Variants in PTPN3 observed in about 807,000 individuals in gnomAD.
PTPN3 encodes protein tyrosine phosphatase non-receptor type 3, also known as tyrosine-protein phosphatase non-receptor type 3.
Under a neutral mutation model 132.7 loss-of-function variants are expected in PTPN3, and 96 were observed. That is an observed-to-expected ratio of 0.72 (90% CI 0.61 to 0.86). The LOEUF is 0.86. Among genes scored for constraint, PTPN3 ranks in the 40% least tolerant of loss-of-function variants. The pLI is 0.00. For synonymous variants in PTPN3, 398 were observed against 429.0 expected (o/e 0.93, Z 0.89); for missense variants, 1,125 against 1,159.6 (o/e 0.97, Z 0.43).
intron 21 of PTPN3, among the ~76,000 whole-genome samples, chr9:109,390,603 TAATAA>T (rs766697073): frequency 6.6e-6 from 1 of 151,982 alleles, no homozygotes; most frequent in African/African-American, 2.4e-5. Flanking sequence ...AGTATAATAA[TAATAA>T]AATAAAATAA....
chr9:109,521,957 G>A, the PTPN3 span, among the ~76,000 whole-genome samples: 19,491 of 147,442 alleles, frequency 0.13, 1,466 homozygotes, highest in Middle Eastern at 0.24. Flanking sequence ...CTTAGAGAGG[G>A]TACCTCTCCT....
intron 2 of PTPN3, among the ~76,000 whole-genome samples, chr9:109,459,725 C>T (rs1435613208): frequency 1.3e-5 from 2 of 152,078 alleles, no homozygotes; most frequent in African/African-American, 4.8e-5. Flanking sequence ...TGTTGTAAGG[C>T]TTGATATGAT....
rs1177342533 is a variant in PTPN3 at position 109,410,340 on chromosome 9, A to G, written c.1389T>C (p.Asn463=). 6.2e-7 allele frequency: 1 copy of G among 1,614,084 alleles called. No homozygotes were observed. Among genetic ancestry groups the G allele is most frequent in the African/African-American group, 1.3e-5 (1 of 74,940 alleles). ...KSSSSVSPSS[N]APGSCSPDGV... Reference sequence around the variant, plus strand: ...CGTCAGGTGAGCAGGAGCCTGGAGCATTTGAAGATGGAGACACAGAACTGG... The same window carrying G: ...CGTCAGGTGAGCAGGAGCCTGGAGCGTTTGAAGATGGAGACACAGAACTGG... The change falls in exon 15 of 26, where the codon AAT becomes AAC. Residue 463 remains asparagine, a synonymous_variant. Coordinates refer to ENST00000374541, the MANE Select transcript of PTPN3 (RefSeq NM_002829.4).
chr9:109,481,586 A>T (rs76773359), intron 1 of PTPN3, among the ~76,000 whole-genome samples: 1 of 152,116 alleles, frequency 6.6e-6, no homozygotes, highest in East Asian at 1.9e-4. Context: ...TTACCTCATC[A>T]GTGAGGCCTT....
At chr9:109,407,143 G>A (rs10979855) in intron 17 of PTPN3, among the ~76,000 whole-genome samples, 1 of 152,290 alleles carries the variant, frequency 6.6e-6, no homozygotes, top group East Asian at 1.9e-4. Context: ...AAGAGCTTAA[G>A]GACTACCTCA....
At chr9:109,520,408 G>T in the PTPN3 span, among the ~76,000 whole-genome samples, 1 of 152,142 alleles carries the variant, frequency 6.6e-6, no homozygotes, top group Non-Finnish European at 1.5e-5. Flanking sequence ...AAGAAAGAAA[G>T]AAATGGAAAG....
chr9:109,422,688 A>G, intron 13 of PTPN3, 30 bp downstream of exon 13: 1 of 1,522,318 alleles, frequency 6.6e-7, no homozygotes, highest in Non-Finnish European at 8.9e-7. Context: ...ACTGTTGGGT[A>G]GTACAAAAAA....
chr9:109,455,094 G>C (rs948971821), intron 4 of PTPN3, among the ~76,000 whole-genome samples: 4 of 152,302 alleles, frequency 2.6e-5, no homozygotes, highest in East Asian at 3.9e-4. Context: ...ACCAGAATTA[G>C]AGTAATGAGA....
At chr9:109,397,437 T>C (rs369910605) in intron 19 of PTPN3, among the ~76,000 whole-genome samples, 4 of 152,296 alleles carry the variant, frequency 2.6e-5, no homozygotes, top group South Asian at 4.2e-4. Context: ...CATAGTGCCC[T>C]ATAACTAAGC....
intron 6 of PTPN3, 43 bp from the exon 7 acceptor site, chr9:109,445,335 A>G: frequency 2.7e-6 from 4 of 1,508,040 alleles, no homozygotes; most frequent in Non-Finnish European, 3.7e-6. Flanking sequence ...AAGAACCAAC[A>G]ACAGCCTTAA....
intron 1 of PTPN3, among the ~76,000 whole-genome samples, chr9:109,465,451 T>C (rs1190279385): frequency 1.3e-5 from 2 of 152,084 alleles, no homozygotes; most frequent in Non-Finnish European, 2.9e-5. Context: ...GGCATGCACC[T>C]CTAATCCCAG....
At chr9:109,409,366 C>T (rs554927325) in intron 16 of PTPN3, among the ~76,000 whole-genome samples, 1 of 151,648 alleles carries the variant, frequency 6.6e-6, no homozygotes, top group African/African-American at 2.4e-5. Flanking sequence ...TGTGTGCCCT[C>T]ATTTCTGGGA....
the PTPN3 span, among the ~76,000 whole-genome samples, chr9:109,515,833 C>G: frequency 6.6e-6 from 1 of 152,178 alleles, no homozygotes; most frequent in Non-Finnish European, 1.5e-5. Flanking sequence ...GGCACCAAGC[C>G]ATTCATGAGG....
intron 14 of PTPN3, among the ~76,000 whole-genome samples, chr9:109,418,391 CA>C (rs1359321636): frequency 2.0e-5 from 3 of 152,200 alleles, no homozygotes; most frequent in African/African-American, 7.2e-5. Context: ...CATAAAGAGA[CA>C]GAGGGTGCTG....
the PTPN3 span, among the ~76,000 whole-genome samples, chr9:109,512,304 G>A: frequency 1.3e-5 from 2 of 152,140 alleles, no homozygotes; most frequent in Admixed American, 1.3e-4. Context: ...AGAAGCTCCT[G>A]GGTGCAGCTG....
At chr9:109,520,557 C>T in the PTPN3 span, among the ~76,000 whole-genome samples, 1 of 152,246 alleles carries the variant, frequency 6.6e-6, no homozygotes, top group African/African-American at 2.4e-5. Context: ...TGATCCTTTC[C>T]TTCTCTGGGC....
chr9:109,459,488 G>A (rs1488820282), intron 2 of PTPN3, among the ~76,000 whole-genome samples: 4 of 152,212 alleles, frequency 2.6e-5, no homozygotes, highest in Non-Finnish European at 5.9e-5. Flanking sequence ...TGGCAGCCAC[G>A]TGATAAGAAC....
chr9:109,502,175 T>C (rs747866806), upstream of PTPN3, among the ~76,000 whole-genome samples: 9 of 152,180 alleles, frequency 5.9e-5, no homozygotes, highest in East Asian at 1.9e-4. Context: ...GAAGCTGCCA[T>C]TGGGGCAGAA....
chr9:109,388,965 C>T lies in PTPN3; in HGVS notation c.2253+268G>A, dbSNP rs74307987. Among the ~76,000 whole-genome samples, 28 of 152,314 alleles carry T rather than the reference C, an allele frequency of 1.8e-4. No individual in the cohort carries two copies. In the East Asian group the frequency reaches 5.4e-3, roughly 29 times the overall value. On this transcript the variant is annotated intron_variant, in intron 22 of 25. Coordinates refer to ENST00000374541, the MANE Select transcript of PTPN3 (RefSeq NM_002829.4). ...CACTTGTCCTGAATGGGCAAGGCCACGTCACTGCAGGGGTGTTGGGGCACA... is the reference window on the plus strand; with the variant it reads ...CACTTGTCCTGAATGGGCAAGGCCATGTCACTGCAGGGGTGTTGGGGCACA...
Sources: gnomAD v4.1 joint callset for allele counts (sites outside exome capture counted in the v4.1 genomes callset) on GRCh38, gnomAD v4.1.1 for gene constraint, MANE v1.5 for transcripts, NCBI Gene and HGNC (gene_info 2026-07-23, HGNC 2026-07-21) for gene names.